The following RBM25 variants were observed in gnomAD, a reference collection of about 807,000 sequenced individuals.
RBM25 encodes the protein RNA binding motif protein 25.
A neutral mutation model predicts 120.7 loss-of-function variants in RBM25; 19 were observed. The observed-to-expected ratio is 0.16, with a 90% CI of 0.11 to 0.23. The LOEUF is 0.23. Among genes scored for constraint, RBM25 ranks in the 10% least tolerant of loss-of-function variants. The pLI is 1.00. For synonymous variants in RBM25, 390 were observed against 326.7 expected (o/e 1.19, Z -2.09); for missense variants, 605 against 1,041.5 (o/e 0.58, Z 5.77).
rs528497953 is a variant in RBM25 at position 73,060,433 on chromosome 14, CACAG to C, written c.-16+1732_-16+1735del. Among the ~76,000 whole-genome samples, 284 of 151,524 alleles carry C rather than the reference CACAG, an allele frequency of 1.9e-3. 9 individuals carry two copies. The highest frequency in any genetic ancestry group is 3.0e-3 in the Non-Finnish European group (203 of 67,614). ...GGAATTTTCAAGTTATGTTTTTGTC[CACAG>C]ACAAATTAGCAGTTTACTTTTCTTA... On this transcript the variant is annotated intron_variant, in intron 1 of 18. Transcript: ENST00000261973.
chr14:73,119,820 A>G lies in RBM25; in HGVS notation c.*15A>G. 1 of 1,594,884 alleles carries G rather than the reference A, an allele frequency of 6.3e-7. No individual in the cohort carries two copies. The highest frequency in any genetic ancestry group is 8.5e-7 in the Non-Finnish European group (1 of 1,175,412). The stretch of plus-strand genomic sequence containing the variant: ...TTGTGAAGTAAAACTTTTTATATTT[A>G]GAGTTCCATTTCAGATTTCTTCTTT... On this transcript the variant is annotated 3_prime_UTR_variant, in exon 19 of 19. Coordinates refer to ENST00000261973, the MANE Select transcript of RBM25 (RefSeq NM_021239.3).
At chr14:73,096,069 C>T (rs1895935490) in intron 6 of RBM25, among the ~76,000 whole-genome samples, 1 of 152,092 alleles carries the variant, frequency 6.6e-6, no homozygotes, top group Non-Finnish European at 1.5e-5. Context: ...CCACTGCCTT[C>T]CGGTTTTAAG....
Position 73,111,174 on chromosome 14 carries a change from C to T in RBM25, c.2017+19C>T, listed in dbSNP as rs755668509. The stretch of plus-strand genomic sequence containing the variant: ...AAACTGGGTACGTTAGCATTTCCTT[C>T]CTTCTTTATTTTCTTCCCTTCACCC... On this transcript the variant is annotated intron_variant, in intron 15 of 18. Coordinates refer to ENST00000261973, the MANE Select transcript of RBM25 (RefSeq NM_021239.3). 2.4e-5 allele frequency: 37 copies of T among 1,565,470 alleles called. No individual in the cohort carries two copies. In the South Asian group the frequency reaches 4.0e-4, roughly 17 times the overall value.
At position 73,097,202 on chromosome 14, in the gene RBM25, T is replaced by TTTTC. The variant is rs1555345647; in HGVS notation, c.729+105_729+106insCTTT. Reference sequence around the variant, plus strand: ...CAGTTTTCTTTTTTCTTTTCTTTTTTTTTTTTTTTTTTTTTTGAGATGGAG... The same window carrying TTTTC: ...CAGTTTTCTTTTTTCTTTTCTTTTTTTTTCTTTTTTTTTTTTTTTTGAGATGGAG... On this transcript the variant is annotated intron_variant, in intron 7 of 18. Coordinates refer to ENST00000261973, the MANE Select transcript of RBM25 (RefSeq NM_021239.3). The TTTTC allele has an allele frequency of 6.3e-5, 44 of 699,646 alleles. 3 individuals carry two copies. The highest frequency in any genetic ancestry group is 1.5e-4 in the Admixed American group (3 of 19,944). The allele number at this position is 699,646 out of a possible 1,614,324, so 43.3% of individuals were successfully genotyped here. A position where few individuals can be genotyped will look rare whatever the true frequency, so the allele number is the denominator to read the frequency against.
rs1309116437 is a variant in RBM25 at position 73,122,959 on chromosome 14, T to A, written c.*3154T>A. The A allele has an allele frequency of 6.6e-6, 1 of 152,208 alleles. No individual in the cohort carries two copies. The highest frequency in any genetic ancestry group is 2.4e-5 in the African/African-American group (1 of 41,444). The allele number at this position is 152,208 out of a possible 1,614,324, so 9.4% of individuals were successfully genotyped here. ...AAGTAGATTTTAAAGAGAAAAACAT[T>A]TTTTGAGGCAAATACACGTAACTCA... On this transcript the variant is annotated 3_prime_UTR_variant, in exon 19 of 19. Transcript: ENST00000261973.
intron 5 of RBM25, among the ~76,000 whole-genome samples, chr14:73,086,679 A>G (rs1463056269): frequency 1.3e-5 from 2 of 152,168 alleles, no homozygotes; most frequent in Admixed American, 6.5e-5. Flanking sequence ...CATTGACACT[A>G]TCATCAGCAA....
intron 18 of RBM25, among the ~76,000 whole-genome samples, chr14:73,118,790 C>T (rs905286590): frequency 9.3e-5 from 14 of 151,346 alleles, no homozygotes; most frequent in African/African-American, 1.7e-4. Context: ...TATTTAGAGA[C>T]GGAGTTTTGC....
At chr14:73,094,717 G>A (rs887411639) in intron 6 of RBM25, among the ~76,000 whole-genome samples, 2 of 152,000 alleles carry the variant, frequency 1.3e-5, no homozygotes, top group Non-Finnish European at 2.9e-5. Context: ...TAGTAGAGAC[G>A]GGGTTTCACC....
At chr14:73,100,244 A>G in intron 9 of RBM25, 2 of 641,488 alleles carry the variant, frequency 3.1e-6, no homozygotes, top group East Asian at 2.8e-5. Flanking sequence ...AGATGCATGG[A>G]AGAACTGTAA....
intron 17 of RBM25, among the ~76,000 whole-genome samples, chr14:73,113,491 G>C (rs527868573): frequency 6.6e-6 from 1 of 151,916 alleles, no homozygotes; most frequent in South Asian, 2.1e-4. Flanking sequence ...ACGAGTTTGA[G>C]ACCAGCCCGG....
At chr14:73,111,877 A>G (rs1896316313) in intron 16 of RBM25, 75 bp downstream of exon 16, 1 of 1,459,690 alleles carries the variant, frequency 6.9e-7, no homozygotes, top group Non-Finnish European at 9.2e-7. Context: ...TTGAAGAAAA[A>G]AAAACCTCAT....
chr14:73,102,803 A>G (rs1896080636), intron 9 of RBM25: 1 of 170,690 alleles, frequency 5.9e-6, no homozygotes. Flanking sequence ...TTTAATTAGT[A>G]TTAATAATCT....
At position 73,112,139 on chromosome 14, in the gene RBM25, G is replaced by T; in HGVS notation, c.2293-13G>T. On this transcript the variant is annotated splice_polypyrimidine_tract_variant and intron_variant, in intron 16 of 18. Transcript: ENST00000261973. The stretch of plus-strand genomic sequence containing the variant: ...ACAATTCTTTAATTCAGTAACCGTG[G>T]TTTGTTTTGCAGATACTGATGGAAC... 1 of 1,585,878 alleles carries T rather than the reference G, an allele frequency of 6.3e-7. No homozygotes were observed. The highest frequency in any genetic ancestry group is 8.6e-7 in the Non-Finnish European group (1 of 1,166,572).
intron 2 of RBM25, among the ~76,000 whole-genome samples, chr14:73,074,692 A>G (rs1402275543): frequency 6.6e-6 from 1 of 151,002 alleles, no homozygotes; most frequent in Non-Finnish European, 1.5e-5. Context: ...AAAGATTTTA[A>G]ATTTCTTTGA....
intron 13 of RBM25, 118 bp from the exon 14 acceptor site, chr14:73,109,224 T>G: frequency 9.2e-7 from 1 of 1,087,962 alleles, no homozygotes; most frequent in Non-Finnish European, 1.3e-6. Context: ...CATTAAGACA[T>G]TCTTTAACCT....
rs146027371 is a variant in RBM25, at chr14:73,111,655, G to A, written c.2145G>A (p.Leu715=). The A allele has an allele frequency of 1.9e-6, 3 of 1,613,982 alleles. No homozygotes were observed. Among genetic ancestry groups the A allele is most frequent in the African/African-American group, 2.7e-5 (2 of 74,896 alleles). Residue 715 remains leucine (L), a synonymous_variant, in exon 16 of 19, where the codon TTG becomes TTA. Coordinates refer to ENST00000261973, the MANE Select transcript of RBM25 (RefSeq NM_021239.3). ...DVPRKRKLVP[L]DYGEDDKNAT... ...CCCGAAAAAGGAAACTGGTTCCCTT[G>A]GATTATGGTGAAGATGATAAAAATG...
intron 5 of RBM25, among the ~76,000 whole-genome samples, chr14:73,086,820 T>G (rs1895697123): frequency 6.6e-6 from 1 of 152,206 alleles, no homozygotes; most frequent in Non-Finnish European, 1.5e-5. Flanking sequence ...TTCTCCTTCC[T>G]TAGCCTCCCT....
At chr14:73,083,400 T>C in intron 4 of RBM25, 94 bp from the exon 5 acceptor site, 1 of 994,698 alleles carries the variant, frequency 1.0e-6, no homozygotes, top group Admixed American at 3.8e-5. Flanking sequence ...TTTTATGTTT[T>C]TTATCCCTAG....
chr14:73,109,861 T>C (rs1896271495), intron 14 of RBM25, among the ~76,000 whole-genome samples: 1 of 152,032 alleles, frequency 6.6e-6, no homozygotes, highest in African/African-American at 2.4e-5. Flanking sequence ...CCACCTCGCC[T>C]GGCTAATTTT....
Sources: allele counts gnomAD v4.1 joint callset (sites outside exome capture counted in the v4.1 genomes callset), GRCh38; gene constraint gnomAD v4.1.1; transcripts MANE v1.5; gene names NCBI Gene and HGNC (gene_info 2026-07-23, HGNC 2026-07-21).